The following PRELID2 variants were observed in gnomAD, a reference collection of about 807,000 sequenced individuals.
PRELID2 encodes PRELI domain containing 2, also known as PRELI domain-containing protein 2.
In PRELID2, 25 loss-of-function variants were observed where a neutral mutation model predicts 28.4. The observed-to-expected ratio is 0.88, with a 90% CI of 0.64 to 1.23. PRELID2 has a LOEUF of 1.23. Ranked by LOEUF, PRELID2 falls within the 50% of genes most tolerant of loss-of-function variation. PRELID2 has a pLI of 0.00. For synonymous variants in PRELID2, 76 were observed against 71.6 expected, an observed-to-expected ratio of 1.06 and a Z score of -0.31; for missense variants, 201 against 214.4, an observed-to-expected ratio of 0.94 and a Z score of 0.39.
intron 1 of PRELID2, among the ~76,000 whole-genome samples, chr5:145,697,877 T>G (rs1194563260): frequency 6.6e-6 from 1 of 152,156 alleles, no homozygotes; most frequent in Admixed American, 6.5e-5. Flanking sequence ...TGAAGCTGTT[T>G]CGATTTCAGC....
intron 1 of PRELID2, 79 bp from the exon 2 acceptor site, chr5:145,823,213 G>C: frequency 1.5e-6 from 1 of 675,096 alleles, no homozygotes; most frequent in Non-Finnish European, 2.7e-6. Context: ...ACAGCTGTCT[G>C]CAGGACTAGT....
At chr5:145,715,762 T>C (rs1419302740) in intron 1 of PRELID2, among the ~76,000 whole-genome samples, 1 of 152,198 alleles carries the variant, frequency 6.6e-6, no homozygotes, top group Non-Finnish European at 1.5e-5. Flanking sequence ...GAGTGTCCCA[T>C]GGATGGCTTC....
chr5:145,418,247 AC>A, the PRELID2 span, among the ~76,000 whole-genome samples: 1 of 152,198 alleles, frequency 6.6e-6, no homozygotes, highest in South Asian at 2.1e-4. Flanking sequence ...AAGGACATAA[AC>A]AAATGGAAGA....
chr5:145,799,025 A>AATATAT (rs532556100), intron 4 of PRELID2, among the ~76,000 whole-genome samples: 148 of 148,014 alleles, frequency 1.0e-3, no homozygotes, highest in African/African-American at 3.6e-3. Context: ...AGTATAATAA[A>AATATAT]ATATATATAT....
At chr5:145,371,948 T>C in the PRELID2 span, among the ~76,000 whole-genome samples, 1 of 151,778 alleles carries the variant, frequency 6.6e-6, no homozygotes, top group African/African-American at 2.4e-5. Flanking sequence ...TGTCTCTGTC[T>C]CCTTCAATTC....
chr5:145,317,989 G>C, the PRELID2 span, among the ~76,000 whole-genome samples: 1 of 152,088 alleles, frequency 6.6e-6, no homozygotes. Context: ...TTAGGTGTCA[G>C]GTACTATTAT....
At chr5:145,350,817 A>C in the PRELID2 span, among the ~76,000 whole-genome samples, 3 of 152,168 alleles carry the variant, frequency 2.0e-5, no homozygotes, top group African/African-American at 7.2e-5. Context: ...AGCAGCCCAG[A>C]CTATGAGAAG....
At chr5:145,237,098 T>C in the PRELID2 span, among the ~76,000 whole-genome samples, 10 of 152,124 alleles carry the variant, frequency 6.6e-5, no homozygotes, top group African/African-American at 2.2e-4. Flanking sequence ...TTCTGTCCTC[T>C]ACCATAAAAA....
the PRELID2 span, among the ~76,000 whole-genome samples, chr5:145,276,600 TA>T: frequency 5.3e-5 from 8 of 151,874 alleles, no homozygotes; most frequent in African/African-American, 7.3e-5. Flanking sequence ...CCCAACTTTA[TA>T]AAAAAAAGTC....
chr5:145,707,678 C>A (rs561247985), intron 1 of PRELID2, among the ~76,000 whole-genome samples: 1 of 152,074 alleles, frequency 6.6e-6, no homozygotes, highest in Non-Finnish European at 1.5e-5. Context: ...AGGCTCTGAA[C>A]GAACACTGAG....
At chr5:145,797,083 AT>A (rs909273167) in intron 4 of PRELID2, among the ~76,000 whole-genome samples, 3 of 152,168 alleles carry the variant, frequency 2.0e-5, no homozygotes, top group African/African-American at 7.2e-5. Flanking sequence ...CAGAAGAGAT[AT>A]GTCACCATCT....
chr5:145,752,628 C>T (rs1419947649), downstream of PRELID2, among the ~76,000 whole-genome samples: 1 of 152,142 alleles, frequency 6.6e-6, no homozygotes, highest in Non-Finnish European at 1.5e-5. Flanking sequence ...TAGAGGTTTT[C>T]CTCCATCACC....
intron 1 of PRELID2, among the ~76,000 whole-genome samples, chr5:145,544,308 A>C: frequency 6.6e-6 from 1 of 152,160 alleles, no homozygotes. Context: ...GAAACCACCA[A>C]GATCTTTCAA....
chr5:145,390,829 C>A, the PRELID2 span, among the ~76,000 whole-genome samples: 1 of 152,192 alleles, frequency 6.6e-6, no homozygotes, highest in African/African-American at 2.4e-5. Flanking sequence ...TTCCTAGATA[C>A]AATGGAGCTA....
chr5:145,277,777 A>G, the PRELID2 span, among the ~76,000 whole-genome samples: 2 of 152,168 alleles, frequency 1.3e-5, no homozygotes, highest in South Asian at 4.1e-4. Flanking sequence ...CAGAGGATGT[A>G]AAGGCTGACT....
chr5:145,403,781 G>A, the PRELID2 span, among the ~76,000 whole-genome samples: 1 of 152,160 alleles, frequency 6.6e-6, no homozygotes. Context: ...ATTCAAATGA[G>A]AATTGGGGGA....
rs940531238 is a variant in PRELID2, at chr5:145,760,282, A to G, written c.*254T>C. 2 of 152,132 alleles carry G rather than the reference A, an allele frequency of 1.3e-5. No homozygotes were observed. The highest frequency in any genetic ancestry group is 2.9e-5 in the Non-Finnish European group (2 of 68,036). The allele number at this position is 152,132 out of a possible 1,614,324, so 9.4% of individuals were successfully genotyped here. A position where few individuals can be genotyped will look rare whatever the true frequency, so the allele number is the denominator to read the frequency against. ...TTTTTCCTTTATTTGTAAAATTATA[A>G]AGAGATTGTGTCATAAAAATCCAGC... On this transcript the variant is annotated 3_prime_UTR_variant, in exon 7 of 7. Coordinates refer to ENST00000683046, the MANE Select transcript of PRELID2 (RefSeq NM_205846.3).
intron 5 of PRELID2, among the ~76,000 whole-genome samples, chr5:145,791,678 T>C (rs1270737750): frequency 2.0e-5 from 3 of 152,144 alleles, no homozygotes; most frequent in South Asian, 4.1e-4. Flanking sequence ...ACAATGTGAG[T>C]GTACTTAATG....
At chr5:145,545,997 A>G (rs1013393806) in intron 1 of PRELID2, among the ~76,000 whole-genome samples, 5 of 152,184 alleles carry the variant, frequency 3.3e-5, no homozygotes, top group Non-Finnish European at 7.4e-5. Flanking sequence ...AGGATAGGAA[A>G]TGGAAATAAG....
Sources: gnomAD v4.1 joint callset for allele counts (sites outside exome capture counted in the v4.1 genomes callset) on GRCh38, gnomAD v4.1.1 for gene constraint, MANE v1.5 for transcripts, NCBI Gene and HGNC (gene_info 2026-07-23, HGNC 2026-07-21) for gene names.